SASH1: variants seen among roughly 807,000 people sequenced by gnomAD.
SASH1 encodes SAM and SH3 domain containing 1.
In SASH1, 44 loss-of-function variants were observed where a neutral mutation model predicts 125.2. The ratio of observed to expected loss-of-function variants is 0.35; its 90% CI spans 0.28 to 0.45. SASH1 has a LOEUF of 0.45. Ranked by LOEUF, SASH1 falls within the 20% of genes least tolerant of loss-of-function variation. The probability of loss-of-function intolerance (pLI) is 1.00; values close to 1 mark genes in which losing one functional copy is unlikely to be tolerated. For missense variants in SASH1, 1,426 were observed against 1,614.5 expected (o/e 0.88, Z 2.00); for synonymous variants, 639 against 649.1 (o/e 0.98, Z 0.24).
At chr6:148,253,981 G>A in the SASH1 span, among the ~76,000 whole-genome samples, 8 of 152,012 alleles carry the variant, frequency 5.3e-5, no homozygotes, top group Admixed American at 2.0e-4. Flanking sequence ...CAAGGTGGGC[G>A]GATCACCTGA....
chr6:148,399,287 G>A (rs963918889), intron 2 of SASH1, among the ~76,000 whole-genome samples: 3 of 140,990 alleles, frequency 2.1e-5, no homozygotes, highest in Admixed American at 7.7e-5. Context: ...GCGTGATCTC[G>A]GCTCACTGGA....
the SASH1 span, among the ~76,000 whole-genome samples, chr6:148,224,437 T>G: frequency 8.5e-4 from 129 of 151,600 alleles, 7 homozygotes; most frequent in South Asian, 0.025. Context: ...CTTGGCTCAC[T>G]ACAACTTCTG....
At chr6:148,281,029 A>G (rs949533125) in intron 1 of SASH1, among the ~76,000 whole-genome samples, 2 of 135,790 alleles carry the variant, frequency 1.5e-5, no homozygotes, top group African/African-American at 5.7e-5. Flanking sequence ...CTGAACCTCC[A>G]CCTCCCGGGT....
chr6:148,362,450 GA>G (rs1293919907), intron 1 of SASH1, among the ~76,000 whole-genome samples: 1 of 151,990 alleles, frequency 6.6e-6, no homozygotes, highest in Non-Finnish European at 1.5e-5. Context: ...GAGCAATGAG[GA>G]AGAGATTGCA....
At chr6:148,431,088 G>A (rs368157760) in intron 2 of SASH1, among the ~76,000 whole-genome samples, 9 of 152,190 alleles carry the variant, frequency 5.9e-5, no homozygotes, top group Non-Finnish European at 1.0e-4. Flanking sequence ...GCTGTGAGGC[G>A]AAGGACTACA....
chr6:148,521,656 G>GGTTGA (rs1294361802), intron 10 of SASH1, among the ~76,000 whole-genome samples: 2 of 152,262 alleles, frequency 1.3e-5, no homozygotes, highest in African/African-American at 4.8e-5. Flanking sequence ...GTTTTTCAAT[G>GGTTGA]GTTGAGTTTT....
At chr6:148,219,803 G>C in the SASH1 span, among the ~76,000 whole-genome samples, 1 of 152,154 alleles carries the variant, frequency 6.6e-6, no homozygotes, top group Non-Finnish European at 1.5e-5. Flanking sequence ...GTTTAGACTT[G>C]CAGGCCTGGG....
At position 148,527,987 on chromosome 6, in the gene SASH1, T is replaced by TG. The variant is rs1479589655; in HGVS notation, c.1428+391_1428+392insG. Among the ~76,000 whole-genome samples, 51 of 79,848 alleles carry TG rather than the reference T, an allele frequency of 6.4e-4. 1 individual carries two copies. The South Asian group carries it at 0.017, about 27-fold the overall frequency. 52.4% of individuals were successfully genotyped at this position (79,848 alleles called of 152,430 possible). On this transcript the variant is annotated intron_variant, in intron 12 of 19. Coordinates refer to ENST00000367467, the MANE Select transcript of SASH1 (RefSeq NM_015278.5). The stretch of plus-strand genomic sequence containing the variant: ...GAATCAAACCTAAAGCTTTTTTTTT[T>TG]TGGGGGGGGGGGTGGCAGTAGACTT...
In SASH1 at chr6:148,387,628, CTT is replaced by C. The variant is rs1277318250; in HGVS notation, c.157-2504_157-2503del. ...TCTTTCTTTCTTTCTTTCTTTCTTTCTTTCTTTCTTTCTTTCTTTCTTTCTTT... is the reference window on the plus strand; with the variant it reads ...TCTTTCTTTCTTTCTTTCTTTCTTTCTCTTTCTTTCTTTCTTTCTTTCTTT... On this transcript the variant is annotated intron_variant, in intron 1 of 19. Coordinates refer to ENST00000367467, the MANE Select transcript of SASH1 (RefSeq NM_015278.5). 1.2e-4 allele frequency among the ~76,000 whole-genome samples: 4 copies of C among 33,882 alleles called. 1 individual carries two copies. The highest frequency in any genetic ancestry group is 1.3e-3 in the South Asian group (1 of 756). 22.2% of individuals were successfully genotyped at this position (33,882 alleles called of 152,430 possible).
chr6:148,524,097 T>TTATATATATATATATA (rs371819726), intron 10 of SASH1, among the ~76,000 whole-genome samples: 1 of 79,548 alleles, frequency 1.3e-5, no homozygotes, highest in Non-Finnish European at 2.7e-5. Flanking sequence ...ATTCAGTTAA[T>TTATATATATATATATA]TATATATATA....
the SASH1 span, among the ~76,000 whole-genome samples, chr6:148,245,861 C>T: frequency 2.6e-5 from 4 of 151,766 alleles, no homozygotes; most frequent in Admixed American, 6.6e-5. Context: ...TGGTGGTGGG[C>T]GCCTGTAGTC....
rs869081496 is a variant in SASH1 at position 148,410,099 on chromosome 6, C to CTTTTT, written c.285+19862_285+19866dup. 1.8e-4 allele frequency among the ~76,000 whole-genome samples: 10 copies of CTTTTT among 55,710 alleles called. 1 individual carries two copies. Among genetic ancestry groups the CTTTTT allele is most frequent in the African/African-American group, 2.9e-4 (4 of 13,688 alleles). 36.5% of individuals were successfully genotyped at this position (55,710 alleles called of 152,430 possible). A position where few individuals can be genotyped will look rare whatever the true frequency, so the allele number is the denominator to read the frequency against. ...AGGTAGGGTGTTTTCCAGAGCAGTC[C>CTTTTT]TTTTTTTTTTTTTTTTTTTTTTTTT... On this transcript the variant is annotated intron_variant, in intron 2 of 19. Transcript: ENST00000367467.
At chr6:148,248,811 G>A in the SASH1 span, among the ~76,000 whole-genome samples, 1 of 152,218 alleles carries the variant, frequency 6.6e-6, no homozygotes, top group Non-Finnish European at 1.5e-5. Context: ...GAGAAAATCT[G>A]CTCCTTATTT....
chr6:148,383,920 A>G (rs975617752), intron 1 of SASH1, among the ~76,000 whole-genome samples: 2 of 152,078 alleles, frequency 1.3e-5, no homozygotes, highest in Admixed American at 6.6e-5. Flanking sequence ...CTGTATTTTT[A>G]TGTTGGTTGT....
intron 1 of SASH1, among the ~76,000 whole-genome samples, chr6:148,276,391 C>T (rs1481537351): frequency 6.6e-6 from 1 of 152,066 alleles, no homozygotes; most frequent in Admixed American, 6.6e-5. Flanking sequence ...TTGTGACTCA[C>T]CCCCTTCAGT....
the SASH1 span, among the ~76,000 whole-genome samples, chr6:148,208,843 T>C: frequency 6.6e-6 from 1 of 152,232 alleles, no homozygotes; most frequent in Non-Finnish European, 1.5e-5. Flanking sequence ...TGAATACGGT[T>C]ACTAATAAGA....
the SASH1 span, among the ~76,000 whole-genome samples, chr6:148,244,203 G>A: frequency 8.5e-5 from 13 of 152,270 alleles, no homozygotes; most frequent in African/African-American, 2.9e-4. Flanking sequence ...CATGTGGCAA[G>A]GCCATTATTC....
At chr6:148,263,582 T>C in the SASH1 span, among the ~76,000 whole-genome samples, 11 of 152,340 alleles carry the variant, frequency 7.2e-5, no homozygotes, top group African/African-American at 2.6e-4. Context: ...TCATTAAAAC[T>C]GATGACTCTA....
intron 1 of SASH1, among the ~76,000 whole-genome samples, chr6:148,302,349 T>C (rs1421087738): frequency 7.9e-6 from 1 of 126,158 alleles, no homozygotes; most frequent in Non-Finnish European, 1.7e-5. Flanking sequence ...AAACTAGTAA[T>C]ATTATGACCT....
Sources: allele counts gnomAD v4.1 joint callset (sites outside exome capture counted in the v4.1 genomes callset), GRCh38; gene constraint gnomAD v4.1.1; transcripts MANE v1.5; gene names NCBI Gene and HGNC (gene_info 2026-07-23, HGNC 2026-07-21).